EPB41L3: variants seen among roughly 807,000 people sequenced by gnomAD.
The protein encoded by EPB41L3 is erythrocyte membrane protein band 4.1 like 3, also known as band 4.1-like protein 3.
EPB41L3 carries 57 observed loss-of-function variants against 127.1 expected under a neutral mutation model. The observed-to-expected ratio is 0.45, with a 90% CI of 0.36 to 0.56. EPB41L3 has a LOEUF of 0.56. Among genes scored for constraint, EPB41L3 ranks in the 20% least tolerant of loss-of-function variants. The pLI, the probability that EPB41L3 is intolerant of heterozygous loss-of-function variation, is 0.00. For missense variants in EPB41L3, 1,273 were observed against 1,372.2 expected (o/e 0.93, Z 1.14); for synonymous variants, 572 against 549.5 (o/e 1.04, Z -0.57).
At chr18:5,622,204 G>A (rs928379178) in intron 1 of EPB41L3, among the ~76,000 whole-genome samples, 7 of 152,126 alleles carry the variant, frequency 4.6e-5, no homozygotes, top group African/African-American at 1.7e-4. Flanking sequence ...AGAGTAAAAC[G>A]TGATCCATTA....
chr18:5,408,815 T>G (rs9965501), intron 14 of EPB41L3, among the ~76,000 whole-genome samples: 139,464 of 152,198 alleles, frequency 0.92, 64,488 homozygotes, highest in Non-Finnish European at 0.98. Context: ...CTGGACTGCT[T>G]TCTGAGTATC....
At position 5,393,439 on chromosome 18, in the gene EPB41L3, C is replaced by T. The variant is rs756401397; in HGVS notation, c.*46G>A. On this transcript the variant is annotated 3_prime_UTR_variant, in exon 23 of 23. Coordinates refer to ENST00000341928, the MANE Select transcript of EPB41L3 (RefSeq NM_012307.5). ...TCCATATAGGCTCTGGTTTTCCTAA[C>T]GGTTTGCATGACTGCATTCATGTGC... is the stretch of plus-strand genomic sequence containing the variant. 1.9e-5 allele frequency: 13 copies of T among 699,074 alleles called. No individual in the cohort carries two copies. Among genetic ancestry groups the T allele is most frequent in the South Asian group, 4.5e-5 (3 of 66,924 alleles). 43.3% of individuals were successfully genotyped at this position (699,074 alleles called of 1,614,324 possible).
intron 1 of EPB41L3, among the ~76,000 whole-genome samples, chr18:5,496,715 T>C (rs1261318848): frequency 6.6e-6 from 1 of 152,266 alleles, no homozygotes; most frequent in Non-Finnish European, 1.5e-5. Context: ...GACATGGCTG[T>C]ACACACTGAC....
chr18:5,630,371 G>C (rs1405413740), upstream of EPB41L3: 1 of 518,374 alleles, frequency 1.9e-6, no homozygotes, highest in Non-Finnish European at 3.8e-6. Context: ...AGAGAAAGGC[G>C]CTCACCTGAG....
chr18:5,498,260 T>C (rs1356141094), intron 1 of EPB41L3, among the ~76,000 whole-genome samples: 1 of 152,220 alleles, frequency 6.6e-6, no homozygotes, highest in Non-Finnish European at 1.5e-5. Context: ...TCCTGATAGC[T>C]GTGCTTATAG....
At chr18:5,524,346 A>G (rs1000696368) in intron 1 of EPB41L3, among the ~76,000 whole-genome samples, 5 of 152,124 alleles carry the variant, frequency 3.3e-5, no homozygotes, top group African/African-American at 1.2e-4. Context: ...GGCACCTGCC[A>G]CCACGCCTGG....
At chr18:5,581,809 C>A (rs1344592174) in intron 3 of EPB41L3, among the ~76,000 whole-genome samples, 1 of 152,124 alleles carries the variant, frequency 6.6e-6, no homozygotes, top group Non-Finnish European at 1.5e-5. Context: ...CCATCCTGGG[C>A]AACATAGCGA....
chr18:5,499,060 G>C (rs2091480386), intron 1 of EPB41L3, among the ~76,000 whole-genome samples: 1 of 152,216 alleles, frequency 6.6e-6, no homozygotes. Flanking sequence ...TTACTTTTTA[G>C]TTAAACAGGG....
intron 8 of EPB41L3, among the ~76,000 whole-genome samples, chr18:5,430,153 C>A (rs928725596): frequency 2.6e-5 from 4 of 152,224 alleles, no homozygotes; most frequent in African/African-American, 9.6e-5. Flanking sequence ...TAGCTCCCTT[C>A]ATGAGGAAGA....
chr18:5,427,276 A>ATAAG (rs1482902616), intron 9 of EPB41L3, among the ~76,000 whole-genome samples: 16 of 152,234 alleles, frequency 1.1e-4, no homozygotes, highest in Non-Finnish European at 2.1e-4. Context: ...GTTCAGAGAT[A>ATAAG]TAAGTATGCT....
intron 3 of EPB41L3, among the ~76,000 whole-genome samples, chr18:5,575,599 G>C (rs925953448): frequency 6.6e-6 from 1 of 152,100 alleles, no homozygotes; most frequent in East Asian, 1.9e-4. Flanking sequence ...CACTTTGGGA[G>C]GCCGAGGTGG....
In EPB41L3 at chr18:5,405,311, T is replaced by G. The variant is rs141093156; in HGVS notation, c.2349+1466A>C. Reference sequence around the variant, plus strand: ...AATGTTCCATTCTGTGTCAGCTTCCTGAACAGATATTTCCCCATAAAGTGG... The same window carrying G: ...AATGTTCCATTCTGTGTCAGCTTCCGGAACAGATATTTCCCCATAAAGTGG... On this transcript the variant is annotated intron_variant, in intron 16 of 22. Transcript: ENST00000341928. Among the ~76,000 whole-genome samples, 916 of 152,364 alleles carry G rather than the reference T, an allele frequency of 6.0e-3. 2 individuals carry two copies. Among genetic ancestry groups the G allele is most frequent in the African/African-American group, 0.021 (863 of 41,592 alleles).
At chr18:5,539,248 TTCTCTCTC>T (rs10598127) in intron 1 of EPB41L3, among the ~76,000 whole-genome samples, 12 of 148,568 alleles carry the variant, frequency 8.1e-5, no homozygotes, top group South Asian at 2.1e-4. Flanking sequence ...CCTTTCTGCT[TTCTCTCTC>T]TCTCTCTCTC....
intron 1 of EPB41L3, among the ~76,000 whole-genome samples, chr18:5,615,244 CT>C (rs971438326): frequency 2.2e-4 from 33 of 151,668 alleles, no homozygotes; most frequent in Non-Finnish European, 3.5e-4. Flanking sequence ...TTTTCTTCTC[CT>C]TTTTTTTGAG....
At chr18:5,524,179 T>C (rs922798467) in intron 1 of EPB41L3, among the ~76,000 whole-genome samples, 6 of 150,692 alleles carry the variant, frequency 4.0e-5, no homozygotes, top group South Asian at 4.2e-4. Context: ...ATTTTTTTTT[T>C]TGTTGTTGTT....
intron 1 of EPB41L3, among the ~76,000 whole-genome samples, chr18:5,512,219 A>T (rs1333435606): frequency 6.6e-6 from 1 of 152,194 alleles, no homozygotes; most frequent in East Asian, 1.9e-4. Context: ...AAACACACCC[A>T]AGTAAACAGT....
At chr18:5,436,558 G>A (rs186791712) in intron 6 of EPB41L3, among the ~76,000 whole-genome samples, 5 of 151,882 alleles carry the variant, frequency 3.3e-5, no homozygotes, top group East Asian at 1.9e-4. Flanking sequence ...TCAGGCGCCC[G>A]CCACGATGCC....
At chr18:5,563,458 G>T (rs1430977530) in intron 3 of EPB41L3, among the ~76,000 whole-genome samples, 1 of 151,040 alleles carries the variant, frequency 6.6e-6, no homozygotes, top group Non-Finnish European at 1.5e-5. Context: ...TAGTAACAAA[G>T]AAGTTATTAT....
chr18:5,431,509 C>G (rs1344432477), intron 8 of EPB41L3: 1 of 152,192 alleles, frequency 6.6e-6, no homozygotes, highest in East Asian at 1.9e-4. Context: ...TTTGAAATCA[C>G]ATTATTAAAT....
Sources: gnomAD v4.1 joint callset for allele counts (sites outside exome capture counted in the v4.1 genomes callset) on GRCh38, gnomAD v4.1.1 for gene constraint, MANE v1.5 for transcripts, NCBI Gene and HGNC (gene_info 2026-07-23, HGNC 2026-07-21) for gene names.